Variants in TPRG1 observed in about 807,000 individuals in gnomAD.
The protein encoded by TPRG1 is tumor protein p63-regulated gene 1 protein.
In TPRG1, 29 loss-of-function variants were observed where a neutral mutation model predicts 29.3. That is an observed-to-expected ratio of 0.99 (90% CI 0.74 to 1.35). The LOEUF (loss-of-function observed/expected upper bound fraction) is 1.35, where lower values mean the gene tolerates loss of function less well. TPRG1 is among the 40% of genes most tolerant of loss of function. The probability of loss-of-function intolerance (pLI) is 0.00; values close to 1 mark genes in which losing one functional copy is unlikely to be tolerated. For synonymous variants in TPRG1, 130 were observed against 116.8 expected (o/e 1.11, Z -0.73); for missense variants, 327 against 335.0 (o/e 0.98, Z 0.19).
At chr3:189,056,029 C>T (rs1715652938) in intron 4 of TPRG1, among the ~76,000 whole-genome samples, 1 of 106,236 alleles carries the variant, frequency 9.4e-6, no homozygotes, top group Admixed American at 1.1e-4. Flanking sequence ...CCTTCCCTCC[C>T]TCCCTTCCTT....
chr3:189,173,313 T>C (rs1244946862), intron 1 of TPRG1, among the ~76,000 whole-genome samples: 6 of 151,194 alleles, frequency 4.0e-5, no homozygotes, highest in Non-Finnish European at 8.8e-5. Context: ...GGCAGACTTC[T>C]ATATATTCTT....
chr3:189,066,722 T>TG (rs1716476325), intron 4 of TPRG1, among the ~76,000 whole-genome samples: 1 of 151,544 alleles, frequency 6.6e-6, no homozygotes, highest in Middle Eastern at 3.4e-3. Flanking sequence ...TTATACTAAA[T>TG]GGGGAAAAAC....
At chr3:189,099,426 G>A (rs1454401233), upstream of TPRG1, among the ~76,000 whole-genome samples, 1 of 152,122 alleles carries the variant, frequency 6.6e-6, no homozygotes, top group Non-Finnish European at 1.5e-5. Context: ...CAGGCAGGCC[G>A]AGCGGTGGTG....
rs373246768 is a variant in TPRG1, at chr3:189,291,105, G to A, written c.480-19281G>A. On this transcript the variant is annotated intron_variant, in intron 4 of 5. Coordinates refer to ENST00000345063, the MANE Select transcript of TPRG1 (RefSeq NM_198485.4). ...TTTAGTAGAGACGGGGTTTCACCAT[G>A]TTAGCCAGGATGGTCTCGATCTCCT... Among the ~76,000 whole-genome samples the A allele has an allele frequency of 4.7e-4, 71 of 152,142 alleles. No homozygotes were observed. In the East Asian group the frequency reaches 0.013, roughly 27 times the overall value.
chr3:189,049,569 T>A (rs1176558569), intron 4 of TPRG1, among the ~76,000 whole-genome samples: 2 of 152,074 alleles, frequency 1.3e-5, no homozygotes, highest in African/African-American at 4.8e-5. Context: ...TCCACACAGG[T>A]AGCTGAAGAC....
At chr3:189,216,794 A>G (rs1019874471) in intron 3 of TPRG1, among the ~76,000 whole-genome samples, 1 of 152,166 alleles carries the variant, frequency 6.6e-6, no homozygotes, top group East Asian at 1.9e-4. Flanking sequence ...TTTTACCAAC[A>G]CGCATTTCAT....
At chr3:189,086,263 C>T (rs932483364) in intron 4 of TPRG1, among the ~76,000 whole-genome samples, 5 of 152,260 alleles carry the variant, frequency 3.3e-5, no homozygotes, top group East Asian at 3.9e-4. Context: ...CATTCCTCTG[C>T]CTGCTTTTAT....
intron 3 of TPRG1, among the ~76,000 whole-genome samples, chr3:189,235,906 T>G (rs1739386035): frequency 6.6e-6 from 1 of 152,198 alleles, no homozygotes; most frequent in South Asian, 2.1e-4. Flanking sequence ...TTGTGAAGAT[T>G]AAAGGACAAT....
chr3:189,218,488 T>A (rs1056937902), intron 3 of TPRG1, among the ~76,000 whole-genome samples: 1 of 152,152 alleles, frequency 6.6e-6, no homozygotes, highest in Admixed American at 6.5e-5. Flanking sequence ...TCCATGGAGA[T>A]GGGACACTCC....
intron 4 of TPRG1, among the ~76,000 whole-genome samples, chr3:189,034,420 A>G (rs1714129070): frequency 6.6e-6 from 1 of 152,206 alleles, no homozygotes; most frequent in African/African-American, 2.4e-5. Flanking sequence ...TAAGATAGCA[A>G]TTTCAAAATT....
intron 3 of TPRG1, among the ~76,000 whole-genome samples, chr3:189,134,320 C>A (rs1723457598): frequency 6.6e-6 from 1 of 151,740 alleles, no homozygotes; most frequent in Admixed American, 6.6e-5. Flanking sequence ...CAAGTAGTAT[C>A]CATTACTAAC....
rs529367885 is a variant in TPRG1, at chr3:189,043,172, C to T, written c.-463+19226C>T. Among the ~76,000 whole-genome samples the T allele has an allele frequency of 2.3e-3, 357 of 152,226 alleles. 3 individuals are homozygous for T. Among genetic ancestry groups the T allele is most frequent in the African/African-American group, 8.3e-3 (346 of 41,524 alleles). On this transcript the variant is annotated intron_variant, in intron 4 of 10. Transcript: ENST00000433971. ...AACTATATATAGATTGAATCCAAAC[C>T]GAAAGATGAATCTAAACCACAAAAT... is the stretch of plus-strand genomic sequence containing the variant.
chr3:189,235,251 C>T (rs1053321957), intron 3 of TPRG1, among the ~76,000 whole-genome samples: 2 of 143,756 alleles, frequency 1.4e-5, no homozygotes, highest in Admixed American at 7.2e-5. Flanking sequence ...GATCCCCTCA[C>T]TGCAGTAGGG....
At chr3:189,096,869 G>T (rs7642897), upstream of TPRG1, among the ~76,000 whole-genome samples, 14,064 of 152,148 alleles carry the variant, frequency 0.092, 816 homozygotes, top group African/African-American at 0.17. Context: ...TATTTTAATA[G>T]TATTTTCAGA....
intron 4 of TPRG1, among the ~76,000 whole-genome samples, chr3:189,033,687 C>T (rs1230335663): frequency 2.0e-5 from 3 of 151,864 alleles, no homozygotes; most frequent in Non-Finnish European, 4.4e-5. Context: ...TCATGCCATT[C>T]TCCTGCCTCA....
rs144970564 is a variant in TPRG1, at chr3:189,229,474, A to G, written c.303-9259A>G. Among the ~76,000 whole-genome samples, 549 of 152,348 alleles carry G rather than the reference A, an allele frequency of 3.6e-3. 4 individuals are homozygous for G. The highest frequency in any genetic ancestry group is 0.012 in the African/African-American group (510 of 41,578). On this transcript the variant is annotated intron_variant, in intron 3 of 5. Coordinates refer to ENST00000345063, the MANE Select transcript of TPRG1 (RefSeq NM_198485.4). Reference sequence around the variant, plus strand: ...GCTTAAAGAAATGATCTGGATGAACAAAATTCTCTATCTTGGGAATCTGAA... The same window carrying G: ...GCTTAAAGAAATGATCTGGATGAACGAAATTCTCTATCTTGGGAATCTGAA...
chr3:189,151,484 G>A (rs1482512970), intron 5 of TPRG1, among the ~76,000 whole-genome samples: 1 of 151,946 alleles, frequency 6.6e-6, no homozygotes, highest in Admixed American at 6.5e-5. Context: ...CTTAATTACT[G>A]AGGCCATTAA....
chr3:189,041,150 T>A (rs1714609369), intron 4 of TPRG1, among the ~76,000 whole-genome samples: 1 of 152,188 alleles, frequency 6.6e-6, no homozygotes, highest in Admixed American at 6.5e-5. Flanking sequence ...TAGGCTCCTC[T>A]ACTTCCTCTT....
intron 3 of TPRG1, among the ~76,000 whole-genome samples, chr3:189,011,485 G>T (rs929353410): frequency 2.6e-5 from 4 of 152,110 alleles, no homozygotes; most frequent in African/African-American, 9.7e-5. Context: ...GTACCATGTG[G>T]CTAGGGATGC....
Sources: allele counts gnomAD v4.1 joint callset (sites outside exome capture counted in the v4.1 genomes callset), GRCh38; gene constraint gnomAD v4.1.1; transcripts MANE v1.5; gene names NCBI Gene and HGNC (gene_info 2026-07-23, HGNC 2026-07-21).